Variants in PEX5L observed in about 807,000 individuals in gnomAD.
The protein encoded by PEX5L is peroxisomal biogenesis factor 5 like.
A neutral mutation model predicts 84.0 loss-of-function variants in PEX5L; 30 were observed. The ratio of observed to expected loss-of-function variants is 0.36; its 90% confidence interval spans 0.27 to 0.48. The LOEUF (loss-of-function observed/expected upper bound fraction) is 0.48, where lower values mean the gene tolerates loss of function less well. Among genes scored for constraint, PEX5L ranks in the 20% least tolerant of loss-of-function variants. The probability of loss-of-function intolerance (pLI) is 0.99; values close to 1 mark genes in which losing one functional copy is unlikely to be tolerated. For synonymous variants in PEX5L, 270 were observed against 283.1 expected (o/e 0.95, Z 0.46); for missense variants, 533 against 754.6 (o/e 0.71, Z 3.44).
At chr3:179,834,139 C>T (rs1734135863) in intron 8 of PEX5L, among the ~76,000 whole-genome samples, 1 of 152,118 alleles carries the variant, frequency 6.6e-6, no homozygotes, top group South Asian at 2.1e-4. Flanking sequence ...TGCACTCTGC[C>T]CAAATACAGA....
At position 179,800,490 on chromosome 3, in the gene PEX5L, T is replaced by TATC. The variant is rs1415941696; in HGVS notation, c.*1335_*1337dup. On this transcript the variant is annotated 3_prime_UTR_variant, in exon 15 of 15. Coordinates refer to ENST00000467460, the MANE Select transcript of PEX5L (RefSeq NM_016559.3). ...AATGTTCCTAATTCTTTAAAAAATGTATCTTTCAAAATAATCACCAAGCCC... is the reference window on the plus strand; with the variant it reads ...AATGTTCCTAATTCTTTAAAAAATGTATCATCTTTCAAAATAATCACCAAGCCC... 1 of 152,214 alleles carries TATC rather than the reference T, an allele frequency of 6.6e-6. No individual in the cohort carries two copies. The highest frequency in any genetic ancestry group is 2.4e-5 in the African/African-American group (1 of 41,456). 9.4% of individuals were successfully genotyped at this position (152,214 alleles called of 1,614,324 possible).
Position 179,875,422 on chromosome 3 carries a change from A to AT in PEX5L, c.560dup (p.Asn187LysfsTer16). 1 of 1,611,522 alleles carries AT rather than the reference A, an allele frequency of 6.2e-7. No individual in the cohort carries two copies. Among genetic ancestry groups the AT allele is most frequent in the Non-Finnish European group, 8.5e-7 (1 of 1,178,500 alleles). On this transcript the variant is annotated frameshift_variant, in exon 6 of 15. Coordinates refer to ENST00000467460, the MANE Select transcript of PEX5L (RefSeq NM_016559.3). LOFTEE classifies it high-confidence loss of function. ...TCTCTGCCATTGGATGTCCCTTGGT[A>AT]TTTCGATCTCCATGAAACTTAACAT...
intron 1 of PEX5L, among the ~76,000 whole-genome samples, chr3:179,993,306 T>C (rs1035223324): frequency 7.9e-5 from 12 of 152,122 alleles, no homozygotes; most frequent in Admixed American, 3.3e-4. Flanking sequence ...CATTTTCCTA[T>C]TGAGTTTTTG....
intron 8 of PEX5L, among the ~76,000 whole-genome samples, chr3:179,829,970 T>G (rs34379595): frequency 3.3e-5 from 3 of 89,818 alleles, no homozygotes; most frequent in Admixed American, 1.2e-4. Context: ...TTTTTTTTTG[T>G]ATTTTTAGTA....
rs911565126 is a variant in PEX5L, at chr3:179,799,021, G to A, written c.*2807C>T. The A allele has an allele frequency of 5.9e-5, 9 of 152,260 alleles. No individual in the cohort carries two copies. The highest frequency in any genetic ancestry group is 2.2e-4 in the African/African-American group (9 of 41,434). 9.4% of individuals were successfully genotyped at this position (152,260 alleles called of 1,614,324 possible). On this transcript the variant is annotated 3_prime_UTR_variant, in exon 15 of 15. Transcript: ENST00000467460. ...TGCAACCTCCGCCTCCCTGGTTCAA[G>A]TGATTCTCCTGCCTCAGCCTCCTGA...
intron 2 of PEX5L, among the ~76,000 whole-genome samples, chr3:179,923,184 G>C (rs544873267): frequency 6.6e-6 from 1 of 151,496 alleles, no homozygotes; most frequent in Admixed American, 6.6e-5. Flanking sequence ...CCAGTTACTC[G>C]GGAGGCTGAG....
At chr3:179,822,887 T>C (rs1371667986) in intron 8 of PEX5L, among the ~76,000 whole-genome samples, 1 of 152,226 alleles carries the variant, frequency 6.6e-6, no homozygotes, top group Non-Finnish European at 1.5e-5. Flanking sequence ...AATAGCAGCT[T>C]TCCCCTTGGA....
chr3:179,870,791 G>A (rs1269124317), intron 7 of PEX5L, among the ~76,000 whole-genome samples: 1 of 152,110 alleles, frequency 6.6e-6, no homozygotes, highest in Admixed American at 6.5e-5. Context: ...TAACCAGTTT[G>A]TTTTGTAGAC....
intron 2 of PEX5L, chr3:179,902,793 A>AT: frequency 2.6e-6 from 1 of 391,128 alleles, no homozygotes; most frequent in Non-Finnish European, 5.1e-6. Context: ...TATTTTCATT[A>AT]TTTTTAAAAC....
At chr3:179,972,573 T>A (rs1490169668) in intron 1 of PEX5L, among the ~76,000 whole-genome samples, 1 of 152,162 alleles carries the variant, frequency 6.6e-6, no homozygotes, top group African/African-American at 2.4e-5. Flanking sequence ...ATTTATTTAT[T>A]TTAAAGATTC....
intron 1 of PEX5L, among the ~76,000 whole-genome samples, chr3:179,979,438 T>C (rs1361319986): frequency 6.6e-6 from 1 of 152,214 alleles, no homozygotes; most frequent in Non-Finnish European, 1.5e-5. Flanking sequence ...TGAAAAATTA[T>C]ATATTTTAAT....
Position 179,987,426 on chromosome 3 carries a change from A to G in PEX5L, c.22-15761T>C, listed in dbSNP as rs555628882. On this transcript the variant is annotated intron_variant, in intron 1 of 14. Coordinates refer to ENST00000467460, the MANE Select transcript of PEX5L (RefSeq NM_016559.3). Reference sequence around the variant, plus strand: ...AGATGGCTCAGAAACTCAATATTGAAGTTTTGGGGGTGCTGGGATTTAAAA... The same window carrying G: ...AGATGGCTCAGAAACTCAATATTGAGGTTTTGGGGGTGCTGGGATTTAAAA... Among the ~76,000 whole-genome samples, 135 of 152,302 alleles carry G rather than the reference A, an allele frequency of 8.9e-4. No individual in the cohort carries two copies. In the Middle Eastern group the frequency reaches 0.014, roughly 15 times the overall value.
At chr3:179,993,006 A>G (rs1289157144) in intron 1 of PEX5L, among the ~76,000 whole-genome samples, 1 of 152,074 alleles carries the variant, frequency 6.6e-6, no homozygotes, top group Non-Finnish European at 1.5e-5. Flanking sequence ...AATCATTTTT[A>G]CTGGGTGTGG....
intron 8 of PEX5L, among the ~76,000 whole-genome samples, chr3:179,851,293 C>G (rs375446202): frequency 6.6e-6 from 1 of 152,190 alleles, no homozygotes; most frequent in Admixed American, 6.5e-5. Flanking sequence ...GATTAGGTGT[C>G]TGGTGAGGGC....
At chr3:179,886,459 T>C (rs1755896209) in intron 4 of PEX5L, among the ~76,000 whole-genome samples, 1 of 152,168 alleles carries the variant, frequency 6.6e-6, no homozygotes, top group African/African-American at 2.4e-5. Flanking sequence ...TGTTCTCACC[T>C]AAAATCTAAC....
chr3:180,012,979 A>T (rs973284354), intron 1 of PEX5L, among the ~76,000 whole-genome samples: 22 of 152,274 alleles, frequency 1.4e-4, no homozygotes, highest in Admixed American at 3.3e-4. Context: ...AGTGATTTTT[A>T]AAAAAATTAT....
chr3:179,872,986 T>TTCC (rs1319192211), intron 7 of PEX5L, among the ~76,000 whole-genome samples: 4 of 152,232 alleles, frequency 2.6e-5, no homozygotes, highest in African/African-American at 9.6e-5. Context: ...GTTAGTGGAC[T>TTCC]TGTTTCCCAG....
At chr3:179,916,628 A>G (rs1767203572) in intron 2 of PEX5L, among the ~76,000 whole-genome samples, 2 of 152,076 alleles carry the variant, frequency 1.3e-5, no homozygotes, top group South Asian at 4.2e-4. Context: ...AATTAAGCTT[A>G]GCTTACTGTA....
In PEX5L at chr3:179,942,055, T is replaced by A. The variant is rs186547367; in HGVS notation, c.93+29539A>T. Among the ~76,000 whole-genome samples the A allele has an allele frequency of 1.2e-3, 184 of 150,570 alleles. 1 individual carries two copies. Among genetic ancestry groups the A allele is most frequent in the Middle Eastern group, 0.01 (3 of 292 alleles). On this transcript the variant is annotated intron_variant, in intron 2 of 14. Coordinates refer to ENST00000467460, the MANE Select transcript of PEX5L (RefSeq NM_016559.3). ...AAAAAAAGAAGAAAAGAAAAGATTA[T>A]CAGCTTTTCAAAGAAAAGGTTGATT...
Sources: gnomAD v4.1 joint callset for allele counts (sites outside exome capture counted in the v4.1 genomes callset) on GRCh38, gnomAD v4.1.1 for gene constraint, MANE v1.5 for transcripts, NCBI Gene and HGNC (gene_info 2026-07-23, HGNC 2026-07-21) for gene names.